PLS1: variants seen among roughly 807,000 people sequenced by gnomAD.
PLS1 encodes plastin 1.
PLS1 carries 32 observed loss-of-function variants against 73.7 expected under a neutral mutation model. The observed-to-expected ratio is 0.43, with a 90% confidence interval of 0.33 to 0.58. The LOEUF (loss-of-function observed/expected upper bound fraction) is 0.58. PLS1 is among the 20% of genes least tolerant of loss of function. The probability of loss-of-function intolerance (pLI) is 0.04; values close to 1 mark genes in which losing one functional copy is unlikely to be tolerated. For synonymous variants in PLS1, 217 were observed against 261.3 expected, an observed-to-expected ratio of 0.83 and a Z score of 1.63; for missense variants, 633 against 740.5, an observed-to-expected ratio of 0.85 and a Z score of 1.68.
intron 1 of PLS1, among the ~76,000 whole-genome samples, chr3:142,656,207 C>A (rs2037233497): frequency 6.6e-6 from 1 of 152,200 alleles, no homozygotes; most frequent in African/African-American, 2.4e-5. Flanking sequence ...AGTGATCTGC[C>A]TGCCTTGGCC....
intron 1 of PLS1, among the ~76,000 whole-genome samples, chr3:142,637,641 T>C (rs2036723016): frequency 2.0e-5 from 3 of 152,112 alleles, no homozygotes; most frequent in Admixed American, 2.0e-4. Context: ...GGTGGATAGT[T>C]TTGTGTAAAT....
At chr3:142,637,146 A>G (rs1020733238) in intron 1 of PLS1, among the ~76,000 whole-genome samples, 12 of 152,240 alleles carry the variant, frequency 7.9e-5, no homozygotes, top group African/African-American at 2.9e-4. Flanking sequence ...AATAACCAAA[A>G]TCTGTGAACA....
intron 1 of PLS1, among the ~76,000 whole-genome samples, chr3:142,659,757 C>A (rs1014771122): frequency 6.6e-6 from 1 of 150,912 alleles, no homozygotes; most frequent in Non-Finnish European, 1.5e-5. Flanking sequence ...AGTGCAATGG[C>A]GTGATCTTGG....
At chr3:142,692,907 G>A (rs2107919707) in intron 10 of PLS1, among the ~76,000 whole-genome samples, 1 of 152,048 alleles carries the variant, frequency 6.6e-6, no homozygotes, top group South Asian at 2.1e-4. Flanking sequence ...AAGGCATCAA[G>A]TTATTGATCA....
In PLS1 at chr3:142,711,526, C is replaced by G; in HGVS notation, c.1655C>G (p.Pro552Arg). 6.3e-7 allele frequency: 1 copy of G among 1,591,728 alleles called. No homozygotes were observed. ...FKDKSISTSL[P>R]VLDLIDAIAP... The stretch of plus-strand genomic sequence containing the variant: ...GATAAATCTATAAGCACAAGTTTAC[C>G]TGTCCTAGATTTAATAGATGCCATT... The change falls in exon 15 of 16, where the codon CCT (proline) becomes CGT (arginine). Residue 552 changes from proline (P) to arginine (R), a missense_variant. Physicochemically the swap from Pro to Arg is moderately radical, Grantham distance 103. Transcript: ENST00000457734.
chr3:142,696,388 C>T (rs2038203045), intron 11 of PLS1, among the ~76,000 whole-genome samples: 1 of 152,058 alleles, frequency 6.6e-6, no homozygotes, highest in Non-Finnish European at 1.5e-5. Flanking sequence ...CTGTTACTTT[C>T]AGAAAATTCT....
At chr3:142,646,305 G>GT (rs2036951538) in intron 1 of PLS1, among the ~76,000 whole-genome samples, 1 of 152,108 alleles carries the variant, frequency 6.6e-6, no homozygotes, top group African/African-American at 2.4e-5. Flanking sequence ...TGTCTTTTGT[G>GT]TTTTTTGGAT....
intron 1 of PLS1, among the ~76,000 whole-genome samples, chr3:142,600,861 A>AG (rs1358653696): frequency 1.7e-5 from 2 of 118,286 alleles, no homozygotes; most frequent in Non-Finnish European, 3.4e-5. Flanking sequence ...GGGGAAGGGA[A>AG]GGGTTGGCCT....
At position 142,676,195 on chromosome 3, in the gene PLS1, G is replaced by T. The variant is rs1210416408; in HGVS notation, c.403G>T (p.Ala135Ser). 6.2e-7 allele frequency: 1 copy of T among 1,613,522 alleles called. No individual in the cohort carries two copies. Among genetic ancestry groups the T allele is most frequent in the Non-Finnish European group, 8.5e-7 (1 of 1,179,556 alleles). ...KVAFVNWINK[A>S]LENDPDCKHL... is the part of the protein sequence containing the mutation. ...GGCTTTTGTTAACTGGATAAACAAA[G>T]CCCTGGAGAATGACCCTGACTGTAA... Residue 135 changes from alanine to serine, a missense_variant, in exon 5 of 16, where the codon GCC becomes TCC. By Grantham distance (99) the Ala-to-Ser change is moderately conservative. Coordinates refer to ENST00000457734, the MANE Select transcript of PLS1 (RefSeq NM_001145319.2).
chr3:142,651,792 A>C (rs1003560544), intron 1 of PLS1, among the ~76,000 whole-genome samples: 1 of 152,244 alleles, frequency 6.6e-6, no homozygotes, highest in Non-Finnish European at 1.5e-5. Context: ...CAAAGCTTAA[A>C]AATCAAATTT....
chr3:142,625,569 C>A (rs1484364040), intron 1 of PLS1, among the ~76,000 whole-genome samples: 1 of 152,160 alleles, frequency 6.6e-6, no homozygotes, highest in African/African-American at 2.4e-5. Flanking sequence ...TCAGTAACAA[C>A]ATGTTGTGCA....
At chr3:142,706,150 A>G (rs531091501) in intron 14 of PLS1, among the ~76,000 whole-genome samples, 4 of 152,310 alleles carry the variant, frequency 2.6e-5, no homozygotes, top group African/African-American at 7.2e-5. Flanking sequence ...AGCTCCTATT[A>G]AGTAACTTTT....
chr3:142,642,514 T>C (rs1482116218), intron 1 of PLS1, among the ~76,000 whole-genome samples: 2 of 152,218 alleles, frequency 1.3e-5, no homozygotes, highest in Non-Finnish European at 2.9e-5. Flanking sequence ...GGCTTTTGAA[T>C]CCATTGCTGC....
chr3:142,600,889 TA>T (rs2035902025), intron 1 of PLS1, among the ~76,000 whole-genome samples: 5 of 20,142 alleles, frequency 2.5e-4, no homozygotes, highest in South Asian at 3.9e-3. Flanking sequence ...TATATATATA[TA>T]TATATATATA....
intron 1 of PLS1, chr3:142,656,486 A>C (rs1054432029): frequency 1.3e-5 from 2 of 152,278 alleles, no homozygotes; most frequent in Admixed American, 6.5e-5. Context: ...TATATTCAAC[A>C]GTCAGTAGAC....
intron 1 of PLS1, among the ~76,000 whole-genome samples, chr3:142,625,865 T>C (rs2036415843): frequency 6.6e-6 from 1 of 152,092 alleles, no homozygotes; most frequent in African/African-American, 2.4e-5. Flanking sequence ...TCCCAGCTAC[T>C]TGGGAGGCTG....
chr3:142,703,960 T>C lies in PLS1; in HGVS notation c.1464T>C (p.Asn488=). 6.2e-7 allele frequency: 1 copy of C among 1,613,946 alleles called. No individual in the cohort carries two copies. Among genetic ancestry groups the C allele is most frequent in the Non-Finnish European group, 8.5e-7 (1 of 1,179,844 alleles). The stretch of plus-strand genomic sequence containing the variant: ...CTGGGCAGGACCTAAATGAAGGGAA[T>C]TCAACACTTACCCTGGCATTGGTAT... ...GIAGQDLNEG[N]STLTLALVWQ... The change falls in exon 13 of 16, where the codon AAT becomes AAC. Residue 488 remains asparagine (N), a synonymous_variant. Coordinates refer to ENST00000457734, the MANE Select transcript of PLS1 (RefSeq NM_001145319.2).
chr3:142,641,651 G>A (rs139625930), intron 1 of PLS1, among the ~76,000 whole-genome samples: 71 of 152,004 alleles, frequency 4.7e-4, no homozygotes, highest in Non-Finnish European at 8.1e-4. Flanking sequence ...TGTCTTAAGA[G>A]CACTATCTTC....
At chr3:142,668,790 T>G in intron 2 of PLS1, among the ~76,000 whole-genome samples, 1 of 151,974 alleles carries the variant, frequency 6.6e-6, no homozygotes, top group East Asian at 1.9e-4. Flanking sequence ...TTAGTAGAGA[T>G]GGGGTTTCAC....
Sources: allele counts gnomAD v4.1 joint callset (sites outside exome capture counted in the v4.1 genomes callset), GRCh38; gene constraint gnomAD v4.1.1; transcripts MANE v1.5; gene names NCBI Gene and HGNC (gene_info 2026-07-23, HGNC 2026-07-21).